The following ADAMTSL1 variants were observed in gnomAD, a reference collection of about 807,000 sequenced individuals.
ADAMTSL1 encodes ADAMTS like 1.
ADAMTSL1 carries 126 observed loss-of-function variants against 201.8 expected under a neutral mutation model. That is an observed-to-expected ratio of 0.62 (90% CI 0.54 to 0.72). ADAMTSL1 has a LOEUF of 0.72. Among genes scored for constraint, ADAMTSL1 ranks in the 30% least tolerant of loss-of-function variants. The pLI is 0.00. For synonymous variants in ADAMTSL1, 1,121 were observed against 903.4 expected (o/e 1.24, Z -4.32); for missense variants, 2,679 against 2,277.8 (o/e 1.18, Z -3.59).
At chr9:18,419,661 T>A (rs1251845888) in intron 2 of ADAMTSL1, among the ~76,000 whole-genome samples, 1 of 151,660 alleles carries the variant, frequency 6.6e-6, no homozygotes, top group East Asian at 1.9e-4. Flanking sequence ...CTTGAATAAA[T>A]CTCGAAAGTA....
At chr9:18,327,364 G>A (rs1482617312) in intron 2 of ADAMTSL1, among the ~76,000 whole-genome samples, 4 of 152,360 alleles carry the variant, frequency 2.6e-5, no homozygotes, top group African/African-American at 9.6e-5. Context: ...TGATCCCAGA[G>A]TAGAGTCAGG....
At chr9:18,055,142 A>T (rs955626250) in intron 1 of ADAMTSL1, among the ~76,000 whole-genome samples, 3 of 152,216 alleles carry the variant, frequency 2.0e-5, no homozygotes, top group Admixed American at 6.5e-5. Flanking sequence ...TAATGAAATT[A>T]CAGCACTTGG....
In ADAMTSL1 at chr9:18,908,276, G is replaced by GGCTGA. The variant is rs1326487974; in HGVS notation, c.5183-162_5183-158dup. 4 of 647,526 alleles carry GGCTGA rather than the reference G, an allele frequency of 6.2e-6. No homozygotes were observed. The East Asian group carries it at 1.1e-4, about 18-fold the overall frequency. The allele number at this position is 647,526 out of a possible 1,614,324, so 40.1% of individuals were successfully genotyped here. A position where few individuals can be genotyped will look rare whatever the true frequency, so the allele number is the denominator to read the frequency against. ...CTGTTGGCAGCCTTGGGGAGCAAGT[G>GGCTGA]GCTGAGCTCTGTCAAAGTTAGGCTG... On this transcript the variant is annotated intron_variant, in intron 28 of 28. Coordinates refer to ENST00000380548, the MANE Select transcript of ADAMTSL1 (RefSeq NM_001040272.6).
chr9:18,825,754 T>C (rs1277125446), intron 21 of ADAMTSL1, among the ~76,000 whole-genome samples: 2 of 151,108 alleles, frequency 1.3e-5, no homozygotes, highest in African/African-American at 2.4e-5. Context: ...ACTAACAGCA[T>C]AGATTAATGT....
chr9:18,006,813 T>C (rs1440358380), intron 1 of ADAMTSL1, among the ~76,000 whole-genome samples: 1 of 152,024 alleles, frequency 6.6e-6, no homozygotes, highest in Non-Finnish European at 1.5e-5. Flanking sequence ...TTACCTCATT[T>C]GGGACTTAAG....
intron 2 of ADAMTSL1, among the ~76,000 whole-genome samples, chr9:18,404,510 G>A (rs1004063488): frequency 2.6e-5 from 4 of 152,208 alleles, no homozygotes; most frequent in Non-Finnish European, 4.4e-5. Flanking sequence ...CAGCCTCTGA[G>A]GTGGTGCCCT....
rs1324975283 is a variant in ADAMTSL1, at chr9:18,415,153, C to CA, written c.208-89674dup. 4.6e-5 allele frequency among the ~76,000 whole-genome samples: 7 copies of CA among 152,268 alleles called. No individual in the cohort carries two copies. The South Asian group carries it at 8.3e-4, about 18-fold the overall frequency. On this transcript the variant is annotated intron_variant, in intron 2 of 29. Coordinates refer to the ADAMTSL1 transcript ENST00000680146. ...TCTATACCCAACAAGATAAAATTCA[C>CA]AATGTCTGGCAGCCAATCGAAACTT...
At chr9:18,826,768 G>C (rs75296160) in intron 22 of ADAMTSL1, among the ~76,000 whole-genome samples, 2,786 of 152,258 alleles carry the variant, frequency 0.018, 75 homozygotes, top group African/African-American at 0.065. Flanking sequence ...GGCAGAACAG[G>C]TATCTCAAAC....
intron 1 of ADAMTSL1, among the ~76,000 whole-genome samples, chr9:18,497,584 A>C (rs1052870338): frequency 6.6e-6 from 1 of 152,224 alleles, no homozygotes; most frequent in African/African-American, 2.4e-5. Flanking sequence ...ATGACAAAGC[A>C]GTTATAGTGT....
intron 1 of ADAMTSL1, among the ~76,000 whole-genome samples, chr9:18,068,369 C>T (rs141291369): frequency 2.6e-4 from 40 of 152,246 alleles, no homozygotes; most frequent in African/African-American, 9.4e-4. Context: ...CAACTATTTA[C>T]ATAGCATTTA....
chr9:18,338,577 G>T (rs1586919569), intron 2 of ADAMTSL1, among the ~76,000 whole-genome samples: 2 of 152,064 alleles, frequency 1.3e-5, no homozygotes. Flanking sequence ...CTCCTGAGTA[G>T]CTGGAACTAC....
At chr9:18,199,628 T>C (rs1432841438) in intron 2 of ADAMTSL1, among the ~76,000 whole-genome samples, 1 of 152,102 alleles carries the variant, frequency 6.6e-6, no homozygotes, top group Non-Finnish European at 1.5e-5. Flanking sequence ...TGGCTTAAAG[T>C]CCAAAGCTGG....
chr9:18,254,196 A>G (rs928324745), intron 2 of ADAMTSL1, among the ~76,000 whole-genome samples: 2 of 152,132 alleles, frequency 1.3e-5, no homozygotes, highest in African/African-American at 2.4e-5. Context: ...CTGGTTTGCT[A>G]TGAGATAAAC....
chr9:18,000,623 CATTT>C (rs1221389226), intron 1 of ADAMTSL1, among the ~76,000 whole-genome samples: 4 of 152,144 alleles, frequency 2.6e-5, no homozygotes, highest in Non-Finnish European at 5.9e-5. Flanking sequence ...CTCAAATATT[CATTT>C]GTTATTCACT....
intron 1 of ADAMTSL1, among the ~76,000 whole-genome samples, chr9:18,099,355 A>ATATATATATATATATATATATATTTT (rs1239180390): frequency 2.2e-5 from 1 of 45,562 alleles, no homozygotes; most frequent in African/African-American, 8.1e-5. Flanking sequence ...ATATATATAT[A>ATATATATATATATATATATATATTTT]TTTTTTTTTT....
intron 2 of ADAMTSL1, among the ~76,000 whole-genome samples, chr9:18,218,867 G>C (rs2132348410): frequency 6.6e-6 from 1 of 151,976 alleles, no homozygotes; most frequent in East Asian, 1.9e-4. Flanking sequence ...ATTTTATTAT[G>C]AAACCCTAAA....
chr9:18,506,733 A>G (rs1379343807), intron 2 of ADAMTSL1, among the ~76,000 whole-genome samples: 1 of 152,222 alleles, frequency 6.6e-6, no homozygotes, highest in Non-Finnish European at 1.5e-5. Context: ...TTATAAACAT[A>G]TAGAAGATAT....
At chr9:18,355,921 C>T (rs1242077518) in intron 2 of ADAMTSL1, among the ~76,000 whole-genome samples, 2 of 152,184 alleles carry the variant, frequency 1.3e-5, no homozygotes, top group Admixed American at 6.5e-5. Context: ...AAGCTGGGGA[C>T]CTGCAGCCAG....
intron 15 of ADAMTSL1, among the ~76,000 whole-genome samples, chr9:18,751,129 T>C (rs930471003): frequency 2.0e-5 from 3 of 152,218 alleles, no homozygotes; most frequent in Non-Finnish European, 4.4e-5. Context: ...GCAAAGAATG[T>C]ATGGATGTAT....
Sources: allele counts gnomAD v4.1 joint callset (sites outside exome capture counted in the v4.1 genomes callset), GRCh38; gene constraint gnomAD v4.1.1; transcripts MANE v1.5; gene names NCBI Gene and HGNC (gene_info 2026-07-23, HGNC 2026-07-21).